Variants in EDDM13 observed in about 807,000 individuals in gnomAD.
EDDM13 encodes epididymal protein 13.
In EDDM13, 24 loss-of-function variants were observed where a neutral mutation model predicts 17.8. The ratio of observed to expected loss-of-function variants is 1.35; its 90% CI spans 0.98 to 1.90. The LOEUF (loss-of-function observed/expected upper bound fraction) is 1.90. EDDM13 is among the 40% of genes most tolerant of loss of function. The pLI is 0.00. For missense variants in EDDM13, 97 were observed against 100.8 expected (o/e 0.96, Z 0.16); for synonymous variants, 31 against 37.5 (o/e 0.83, Z 0.63).
chr19:56,291,616 T>A (rs1405176051), intron 9 of EDDM13, among the ~76,000 whole-genome samples: 3 of 152,142 alleles, frequency 2.0e-5, no homozygotes, highest in Non-Finnish European at 2.9e-5. Flanking sequence ...TGGCATCTCA[T>A]CTCAACAGCA....
chr19:56,276,687 G>A (rs1313478019), intron 2 of EDDM13, among the ~76,000 whole-genome samples: 1 of 151,720 alleles, frequency 6.6e-6, no homozygotes, highest in African/African-American at 2.4e-5. Flanking sequence ...CAGGCTGCGC[G>A]CCACCATGCC....
chr19:56,302,899 A>G (rs886889676), intron 13 of EDDM13: 4 of 398,444 alleles, frequency 1.0e-5, no homozygotes, highest in Non-Finnish European at 8.8e-6. Context: ...TGGTTGAGCT[A>G]CCTTCAAGAA....
At chr19:56,300,185 G>A (rs1436000149) in intron 12 of EDDM13, among the ~76,000 whole-genome samples, 3 of 152,020 alleles carry the variant, frequency 2.0e-5, no homozygotes, top group Non-Finnish European at 4.4e-5. Flanking sequence ...TAATGGGTAA[G>A]CATTAAACCA....
At chr19:56,300,319 A>G (rs145499552) in intron 12 of EDDM13, among the ~76,000 whole-genome samples, 1 of 152,336 alleles carries the variant, frequency 6.6e-6, no homozygotes, top group Non-Finnish European at 1.5e-5. Context: ...CCTCAAGTTA[A>G]AGAACTTGAC....
Position 56,302,010 on chromosome 19 carries a change from C to T in EDDM13, c.338C>T (p.Pro113Leu), listed in dbSNP as rs2040266411. 8.1e-7 allele frequency: 1 copy of T among 1,232,046 alleles called. No individual in the cohort carries two copies. The allele number at this position is 1,232,046 out of a possible 1,614,324, so 76.3% of individuals were successfully genotyped here. Residue 113 changes from proline to leucine, a missense_variant, in exon 13 of 15, where the codon CCC (proline) becomes CTC (leucine). By Grantham distance (98) the Pro-to-Leu change is moderately conservative. Transcript: ENST00000649256. Reference protein sequence around the residue: ...SGTTPSRKPLPKRKNTWNFLK... With the variant: ...SGTTPSRKPLLKRKNTWNFLK... ...ACCACCCCATCCAGGAAACCACTCC[C>T]CAAGAGGAAGAACACGTGGAACTTC...
intron 13 of EDDM13, 95 bp from the exon 14 acceptor site, chr19:56,304,698 G>C: frequency 1.4e-6 from 1 of 712,330 alleles, no homozygotes; most frequent in Non-Finnish European, 1.7e-6. Context: ...AAAGAAGCGA[G>C]AGGGGGATGG....
chr19:56,278,741 T>A (rs2038453180), intron 2 of EDDM13, among the ~76,000 whole-genome samples: 1 of 152,108 alleles, frequency 6.6e-6, no homozygotes, highest in Admixed American at 6.5e-5. Flanking sequence ...TCTAACTAAC[T>A]CTCAGTCTGA....
chr19:56,299,266 G>A (rs1221521240), intron 12 of EDDM13, among the ~76,000 whole-genome samples: 1 of 151,614 alleles, frequency 6.6e-6, no homozygotes, highest in African/African-American at 2.4e-5. Context: ...TGAGTAGCTG[G>A]GACCACAGGC....
At chr19:56,303,614 G>T (rs982688590) in intron 13 of EDDM13, among the ~76,000 whole-genome samples, 1 of 152,086 alleles carries the variant, frequency 6.6e-6, no homozygotes, top group Non-Finnish European at 1.5e-5. Context: ...AAATATTCAC[G>T]TGTGTAGAGG....
rs969906129 is a variant in EDDM13, at chr19:56,277,978, T to C, written c.103+1869T>C. On this transcript the variant is annotated intron_variant, in intron 2 of 14. Coordinates refer to ENST00000649256, the MANE Select transcript of EDDM13 (RefSeq NM_001354658.2). ...ATAAAATGTTTTAGTGAAATGGCTG[T>C]TTCCAAACCAAAAAAGTTTAGTAAG... Among the ~76,000 whole-genome samples, 14 of 152,196 alleles carry C rather than the reference T, an allele frequency of 9.2e-5. No individual in the cohort carries two copies. The South Asian group carries it at 1.0e-3, about 11-fold the overall frequency.
At chr19:56,298,042 C>T (rs1411690482) in intron 12 of EDDM13, 2 of 149,726 alleles carry the variant, frequency 1.3e-5, no homozygotes. Flanking sequence ...GCCACCGCAT[C>T]CGGCCTGGGT....
chr19:56,289,979 C>T lies in EDDM13; in HGVS notation c.227-862C>T, dbSNP rs376173027. ...GCTCATTAGAAGGAGTTGAAGAAAACGAATACTGGAGAACCTGCCTCTATT... is the reference window on the plus strand; with the variant it reads ...GCTCATTAGAAGGAGTTGAAGAAAATGAATACTGGAGAACCTGCCTCTATT... On this transcript the variant is annotated intron_variant, in intron 8 of 14. Coordinates refer to ENST00000649256, the MANE Select transcript of EDDM13 (RefSeq NM_001354658.2). Among the ~76,000 whole-genome samples the T allele has an allele frequency of 3.9e-3, 588 of 152,264 alleles. 8 individuals carry two copies. Among genetic ancestry groups the T allele is most frequent in the South Asian group, 0.034 (166 of 4,820 alleles).
At chr19:56,276,446 A>G (rs2038259274) in intron 2 of EDDM13, among the ~76,000 whole-genome samples, 1 of 152,050 alleles carries the variant, frequency 6.6e-6, no homozygotes. Flanking sequence ...GTGGTTTGCA[A>G]ACTTCATGGT....
rs941689409 is a variant in EDDM13, at chr19:56,305,861, T to C, written c.461+1031T>C. ...GCCTGTAGAATGAGGGGTTGTCAGA[T>C]ACACAGAAAACAAGTGAAAGAGCCT... On this transcript the variant is annotated intron_variant, in intron 14 of 14. Transcript: ENST00000649256. Among the ~76,000 whole-genome samples, 5 of 151,778 alleles carry C rather than the reference T, an allele frequency of 3.3e-5. No individual in the cohort carries two copies. In the East Asian group the frequency reaches 9.7e-4, roughly 30 times the overall value.
intron 2 of EDDM13, among the ~76,000 whole-genome samples, chr19:56,276,368 T>C (rs1235922392): frequency 6.6e-6 from 1 of 152,146 alleles, no homozygotes; most frequent in Non-Finnish European, 1.5e-5. Flanking sequence ...AGAGCATTTA[T>C]CAGGGAAGAG....
intron 12 of EDDM13, among the ~76,000 whole-genome samples, chr19:56,300,874 G>A (rs1031441508): frequency 1.3e-5 from 2 of 152,136 alleles, no homozygotes; most frequent in Non-Finnish European, 2.9e-5. Flanking sequence ...TTACACAGGC[G>A]AAAGAAACAC....
intron 12 of EDDM13, 43 bp from the exon 13 acceptor site, chr19:56,301,925 A>G: frequency 1.6e-6 from 2 of 1,231,984 alleles, no homozygotes; most frequent in Non-Finnish European, 2.0e-6. Context: ...TAAGGCAGGA[A>G]GGGAAGGCCA....
intron 13 of EDDM13, chr19:56,302,944 G>C (rs1600238388): frequency 2.5e-6 from 1 of 398,470 alleles, no homozygotes; most frequent in Non-Finnish European, 4.4e-6. Context: ...GACATCCACA[G>C]AGAGAACCAG....
At chr19:56,293,187 G>A (rs954144727) in intron 9 of EDDM13, among the ~76,000 whole-genome samples, 11 of 152,166 alleles carry the variant, frequency 7.2e-5, no homozygotes, top group African/African-American at 1.7e-4. Flanking sequence ...TCAAGAGCAC[G>A]TTCTGGGTAC....
Sources: allele counts gnomAD v4.1 joint callset (sites outside exome capture counted in the v4.1 genomes callset), GRCh38; gene constraint gnomAD v4.1.1; transcripts MANE v1.5; gene names NCBI Gene and HGNC (gene_info 2026-07-23, HGNC 2026-07-21).